Variants in DLG2 observed in about 807,000 individuals in gnomAD.
The protein encoded by DLG2 is disks large homolog 2.
Under a neutral mutation model 132.5 loss-of-function variants are expected in DLG2, and 45 were observed. The observed-to-expected ratio is 0.34, with a 90% CI of 0.27 to 0.44. DLG2 has a LOEUF of 0.44. DLG2 is among the 20% of genes least tolerant of loss of function. The pLI, the probability that DLG2 is intolerant of heterozygous loss-of-function variation, is 1.00. For missense variants in DLG2, 1,045 were observed against 1,196.9 expected, an observed-to-expected ratio of 0.87 and a Z score of 1.87; for synonymous variants, 424 against 419.6, an observed-to-expected ratio of 1.01 and a Z score of -0.13.
At chr11:83,883,697 C>T (rs563346672) in intron 15 of DLG2, among the ~76,000 whole-genome samples, 1 of 152,114 alleles carries the variant, frequency 6.6e-6, no homozygotes, top group African/African-American at 2.4e-5. Context: ...TGCCTTTACT[C>T]ATTTTGTTTT....
chr11:85,412,974 T>C (rs985393842), intron 3 of DLG2, among the ~76,000 whole-genome samples: 3 of 151,878 alleles, frequency 2.0e-5, no homozygotes, highest in African/African-American at 7.2e-5. Context: ...TGTAGTTATT[T>C]AAGAAATCTC....
chr11:85,479,067 T>A (rs781751686), intron 3 of DLG2, among the ~76,000 whole-genome samples: 6 of 152,188 alleles, frequency 3.9e-5, no homozygotes, highest in Non-Finnish European at 5.9e-5. Context: ...TCAAAAACCA[T>A]CATTTAAAAG....
chr11:83,906,310 CA>C (rs879259913), intron 15 of DLG2, among the ~76,000 whole-genome samples: 3,598 of 136,592 alleles, frequency 0.026, 193 homozygotes, highest in Non-Finnish European at 0.034. Context: ...CACACACACA[CA>C]CACACACACC....
intron 6 of DLG2, among the ~76,000 whole-genome samples, chr11:84,737,015 TATC>T: frequency 6.6e-6 from 1 of 152,100 alleles, no homozygotes; most frequent in African/African-American, 2.4e-5. Flanking sequence ...ATAAGTTTCT[TATC>T]ATGTTGAAGA....
chr11:85,030,510 A>G (rs2060915146), intron 6 of DLG2, among the ~76,000 whole-genome samples: 2 of 152,172 alleles, frequency 1.3e-5, no homozygotes, highest in Admixed American at 1.3e-4. Flanking sequence ...GCAGTGATCA[A>G]ATTATGTTTT....
intron 4 of DLG2, among the ~76,000 whole-genome samples, chr11:85,267,530 G>A (rs2077288564): frequency 6.6e-6 from 1 of 152,008 alleles, no homozygotes; most frequent in Non-Finnish European, 1.5e-5. Flanking sequence ...CTGATACAAG[G>A]TGCTAGTTAG....
intron 6 of DLG2, among the ~76,000 whole-genome samples, chr11:84,667,478 G>T (rs149860961): frequency 0.12 from 10,992 of 91,088 alleles, 536 homozygotes; most frequent in East Asian, 0.34. Context: ...GTTTTTTTTT[G>T]TTTTTGTTTT....
intron 4 of DLG2, among the ~76,000 whole-genome samples, chr11:85,162,580 T>A (rs923987065): frequency 1.3e-5 from 2 of 152,210 alleles, no homozygotes; most frequent in Non-Finnish European, 2.9e-5. Flanking sequence ...TAAGAAAATA[T>A]CTTCATTTTA....
At chr11:84,019,975 G>C (rs1219028685) in intron 11 of DLG2, among the ~76,000 whole-genome samples, 2 of 152,038 alleles carry the variant, frequency 1.3e-5, no homozygotes, top group African/African-American at 2.4e-5. Context: ...ACAGAGAGAG[G>C]GCATGCCAGA....
chr11:84,731,770 A>C (rs1596750883), intron 6 of DLG2, among the ~76,000 whole-genome samples: 1 of 152,058 alleles, frequency 6.6e-6, no homozygotes, highest in Non-Finnish European at 1.5e-5. Flanking sequence ...AAGCAGATTT[A>C]TTGGCGTAGA....
At chr11:85,277,034 A>T (rs760054425) in intron 4 of DLG2, among the ~76,000 whole-genome samples, 2 of 152,172 alleles carry the variant, frequency 1.3e-5, no homozygotes, top group African/African-American at 2.4e-5. Context: ...TAAGTAGAAA[A>T]TTTCCAGATG....
intron 6 of DLG2, among the ~76,000 whole-genome samples, chr11:84,766,438 T>C (rs931671277): frequency 6.6e-6 from 1 of 152,064 alleles, no homozygotes; most frequent in Non-Finnish European, 1.5e-5. Flanking sequence ...TCAAAATTGT[T>C]AGCAACTGGC....
chr11:84,247,020 A>T (rs1799783944), intron 8 of DLG2, among the ~76,000 whole-genome samples: 1 of 152,132 alleles, frequency 6.6e-6, no homozygotes, highest in African/African-American at 2.4e-5. Context: ...GAACTCCAAG[A>T]TATTTAACAA....
chr11:83,983,988 G>A (rs1253717334), intron 11 of DLG2, among the ~76,000 whole-genome samples: 2 of 151,980 alleles, frequency 1.3e-5, no homozygotes, highest in African/African-American at 4.8e-5. Flanking sequence ...AAAAGAGAAG[G>A]CTAAAACAAA....
intron 18 of DLG2, among the ~76,000 whole-genome samples, chr11:83,710,503 A>T (rs547690492): frequency 2.0e-4 from 30 of 152,306 alleles, no homozygotes; most frequent in East Asian, 9.7e-4. Flanking sequence ...CAAGAAGCGG[A>T]TAATTTTAGT....
At chr11:85,617,071 C>G (rs1038395015) in intron 2 of DLG2, among the ~76,000 whole-genome samples, 1 of 152,248 alleles carries the variant, frequency 6.6e-6, no homozygotes, top group East Asian at 1.9e-4. Context: ...GTCTGTTACT[C>G]AGTTACTAAG....
chr11:84,393,470 T>C (rs964651455), intron 7 of DLG2, among the ~76,000 whole-genome samples: 20 of 152,290 alleles, frequency 1.3e-4, no homozygotes, highest in Non-Finnish European at 1.5e-4. Context: ...TTTGCCATCC[T>C]TCATTCTTTG....
intron 3 of DLG2, among the ~76,000 whole-genome samples, chr11:85,466,276 T>G (rs1430731830): frequency 6.6e-6 from 1 of 152,228 alleles, no homozygotes; most frequent in Non-Finnish European, 1.5e-5. Flanking sequence ...TTCACTCTGA[T>G]GGTAGTTTCT....
At chr11:83,920,016 C>T (rs2077569777) in intron 15 of DLG2, among the ~76,000 whole-genome samples, 1 of 152,168 alleles carries the variant, frequency 6.6e-6, no homozygotes, top group South Asian at 2.1e-4. Context: ...TGAGTTAGGG[C>T]TGAAATCTAG....
Sources: gnomAD v4.1 joint callset for allele counts (sites outside exome capture counted in the v4.1 genomes callset) on GRCh38, gnomAD v4.1.1 for gene constraint, MANE v1.5 for transcripts, NCBI Gene and HGNC (gene_info 2026-07-23, HGNC 2026-07-21) for gene names.